SMYD3: variants seen among roughly 807,000 people sequenced by gnomAD.
SMYD3 encodes the protein histone-lysine N-methyltransferase SMYD3.
Under a neutral mutation model 57.7 loss-of-function variants are expected in SMYD3, and 36 were observed. That is an observed-to-expected ratio of 0.62 (90% confidence interval 0.48 to 0.82). The LOEUF (loss-of-function observed/expected upper bound fraction) is 0.82, where lower values mean the gene tolerates loss of function less well. Ranked by LOEUF, SMYD3 falls within the 40% of genes least tolerant of loss-of-function variation. The pLI, the probability that SMYD3 is intolerant of heterozygous loss-of-function variation, is 0.00. For missense variants in SMYD3, 515 were observed against 538.8 expected (o/e 0.96, Z 0.44); for synonymous variants, 211 against 195.0 (o/e 1.08, Z -0.68).
intron 5 of SMYD3, among the ~76,000 whole-genome samples, chr1:245,948,792 C>T (rs1196162622): frequency 6.6e-6 from 1 of 152,182 alleles, no homozygotes; most frequent in Non-Finnish European, 1.5e-5. Context: ...CATGCACATA[C>T]AAGTACCCTA....
At chr1:246,209,508 A>T (rs1185328342) in intron 5 of SMYD3, among the ~76,000 whole-genome samples, 1 of 152,202 alleles carries the variant, frequency 6.6e-6, no homozygotes, top group Admixed American at 6.5e-5. Flanking sequence ...AAGCTTTATA[A>T]GCATAGAAGA....
At chr1:245,930,972 A>G (rs181778595) in intron 5 of SMYD3, 2 of 152,356 alleles carry the variant, frequency 1.3e-5, no homozygotes, top group Admixed American at 1.3e-4. Context: ...CAGGAGAAAG[A>G]GCAAGTGCGA....
chr1:245,988,735 G>A (rs573239951), intron 5 of SMYD3, among the ~76,000 whole-genome samples: 9 of 152,232 alleles, frequency 5.9e-5, no homozygotes, highest in Non-Finnish European at 1.2e-4. Context: ...CCAATCAGCA[G>A]ATGGTGTTCC....
intron 5 of SMYD3, among the ~76,000 whole-genome samples, chr1:246,293,020 G>A (rs2064725061): frequency 6.6e-6 from 1 of 152,080 alleles, no homozygotes; most frequent in African/African-American, 2.4e-5. Flanking sequence ...GTGGGTAAAT[G>A]TATCTGTACT....
intron 1 of SMYD3, among the ~76,000 whole-genome samples, chr1:246,361,152 T>C (rs1267900718): frequency 6.6e-6 from 1 of 152,058 alleles, no homozygotes; most frequent in African/African-American, 2.4e-5. Flanking sequence ...GACAGACAAT[T>C]CTCAAAAGAA....
At chr1:245,848,160 T>C (rs879209919) in intron 10 of SMYD3, among the ~76,000 whole-genome samples, 1 of 151,266 alleles carries the variant, frequency 6.6e-6, no homozygotes, top group South Asian at 2.1e-4. Context: ...AATACAGTGG[T>C]ATGAACATGG....
intron 5 of SMYD3, among the ~76,000 whole-genome samples, chr1:245,979,025 T>A (rs1349029983): frequency 1.3e-5 from 2 of 152,216 alleles, no homozygotes; most frequent in African/African-American, 2.4e-5. Context: ...AGAGCCCTTT[T>A]ATGGAACGTG....
intron 5 of SMYD3, among the ~76,000 whole-genome samples, chr1:246,268,057 G>A (rs2064145001): frequency 6.6e-6 from 1 of 152,172 alleles, no homozygotes; most frequent in Non-Finnish European, 1.5e-5. Flanking sequence ...TATTGTCAGA[G>A]GCGTGTGAAC....
chr1:246,032,969 T>G (rs1403557479), intron 5 of SMYD3, among the ~76,000 whole-genome samples: 1 of 152,220 alleles, frequency 6.6e-6, no homozygotes, highest in Non-Finnish European at 1.5e-5. Context: ...TAATCATGAA[T>G]GCTTTAGGGA....
At chr1:246,505,443 G>GCAGCAC (rs1553358129) in intron 1 of SMYD3, among the ~76,000 whole-genome samples, 1 of 152,122 alleles carries the variant, frequency 6.6e-6, no homozygotes, top group Non-Finnish European at 1.5e-5. Flanking sequence ...AGCAGCAGCA[G>GCAGCAC]CAGCACCAGG....
At chr1:246,088,468 G>C (rs2060762066) in intron 5 of SMYD3, among the ~76,000 whole-genome samples, 1 of 135,478 alleles carries the variant, frequency 7.4e-6, no homozygotes, top group Non-Finnish European at 1.5e-5. Context: ...AAATTAGCCG[G>C]GCGTGGTGAC....
chr1:245,869,371 C>T (rs1290741720), intron 8 of SMYD3, among the ~76,000 whole-genome samples: 1 of 152,156 alleles, frequency 6.6e-6, no homozygotes, highest in Non-Finnish European at 1.5e-5. Flanking sequence ...ACTGCATGAC[C>T]CCGGGCAAGT....
intron 10 of SMYD3, among the ~76,000 whole-genome samples, chr1:245,831,208 T>C (rs929963117): frequency 1.2e-4 from 19 of 152,178 alleles, no homozygotes; most frequent in African/African-American, 4.3e-4. Context: ...ACTAATAAAT[T>C]ACTGTCCTTC....
At chr1:245,893,953 G>A (rs1890822) in intron 8 of SMYD3, among the ~76,000 whole-genome samples, 151,976 of 152,354 alleles carry the variant, frequency 1, 75,802 homozygotes, top group Middle Eastern at 1. Flanking sequence ...GAAAGCTCCC[G>A]TTGCCTCATC....
intron 11 of SMYD3, among the ~76,000 whole-genome samples, chr1:245,759,198 A>G (rs1234077607): frequency 6.6e-6 from 1 of 152,010 alleles, no homozygotes; most frequent in Non-Finnish European, 1.5e-5. Flanking sequence ...CTCTATTTGG[A>G]GGTCAGTAGG....
intron 8 of SMYD3, among the ~76,000 whole-genome samples, chr1:245,873,945 T>A (rs1489329480): frequency 6.6e-6 from 1 of 152,172 alleles, no homozygotes; most frequent in Non-Finnish European, 1.5e-5. Flanking sequence ...GAGAACTACA[T>A]TAGGGTTACC....
At chr1:246,330,039 C>A (rs2065433607) in intron 4 of SMYD3, among the ~76,000 whole-genome samples, 1 of 152,156 alleles carries the variant, frequency 6.6e-6, no homozygotes, top group South Asian at 2.1e-4. Flanking sequence ...CTTCACACTG[C>A]CACAGAGACT....
At chr1:246,357,417 A>G (rs2065925716) in intron 1 of SMYD3, among the ~76,000 whole-genome samples, 1 of 152,222 alleles carries the variant, frequency 6.6e-6, no homozygotes, top group African/African-American at 2.4e-5. Context: ...TATATGGTCA[A>G]AAAAGGGGAG....
chr1:246,142,271 T>C (rs2061769093), intron 5 of SMYD3, among the ~76,000 whole-genome samples: 1 of 152,196 alleles, frequency 6.6e-6, no homozygotes, highest in Admixed American at 6.5e-5. Flanking sequence ...TAATTACTAA[T>C]AAAACAATTA....
Sources: allele counts gnomAD v4.1 joint callset (sites outside exome capture counted in the v4.1 genomes callset), GRCh38; gene constraint gnomAD v4.1.1; transcripts MANE v1.5; gene names NCBI Gene and HGNC (gene_info 2026-07-23, HGNC 2026-07-21).